DMXL1: variants seen among roughly 807,000 people sequenced by gnomAD.
DMXL1 encodes the protein Dmx like 1, also known as dmX-like protein 1.
In DMXL1, 99 loss-of-function variants were observed where a neutral mutation model predicts 319.2. The ratio of observed to expected loss-of-function variants is 0.31; its 90% CI spans 0.26 to 0.37. The LOEUF (loss-of-function observed/expected upper bound fraction) is 0.37. Among genes scored for constraint, DMXL1 ranks in the 10% least tolerant of loss-of-function variants. The pLI, the probability that DMXL1 is intolerant of heterozygous loss-of-function variation, is 1.00. For synonymous variants in DMXL1, 1,385 were observed against 1,235.2 expected, an observed-to-expected ratio of 1.12 and a Z score of -2.54; for missense variants, 3,745 against 3,595.6, an observed-to-expected ratio of 1.04 and a Z score of -1.06.
At chr5:119,213,313 C>T (rs1360290356) in intron 34 of DMXL1, among the ~76,000 whole-genome samples, 1 of 152,116 alleles carries the variant, frequency 6.6e-6, no homozygotes, top group African/African-American at 2.4e-5. Context: ...ATATTTTCTT[C>T]TGCCTCCTCT....
chr5:119,142,371 TA>T (rs1767573372), intron 13 of DMXL1, among the ~76,000 whole-genome samples: 1 of 151,510 alleles, frequency 6.6e-6, no homozygotes, highest in African/African-American at 2.4e-5. Flanking sequence ...AAAAAGTGAG[TA>T]AAGGACATGA....
At chr5:119,207,811 C>G (rs181242944) in intron 34 of DMXL1, among the ~76,000 whole-genome samples, 2 of 152,244 alleles carry the variant, frequency 1.3e-5, no homozygotes, top group East Asian at 1.9e-4. Flanking sequence ...CGTGAGCCAC[C>G]GCGCCTGGCC....
chr5:119,122,020 C>T (rs1477742233), intron 9 of DMXL1, among the ~76,000 whole-genome samples: 9 of 142,212 alleles, frequency 6.3e-5, no homozygotes, highest in African/African-American at 2.4e-4. Context: ...CCGGACGGGG[C>T]GGCTGGCCGG....
chr5:119,161,123 C>G (rs1315883344), intron 19 of DMXL1, among the ~76,000 whole-genome samples: 1 of 152,156 alleles, frequency 6.6e-6, no homozygotes, highest in Non-Finnish European at 1.5e-5. Flanking sequence ...TAAACCTAGC[C>G]TCTGATTATG....
chr5:119,230,987 T>C (rs1786604853), intron 38 of DMXL1, among the ~76,000 whole-genome samples: 1 of 152,234 alleles, frequency 6.6e-6, no homozygotes, highest in Admixed American at 6.5e-5. Flanking sequence ...CTATTATTTG[T>C]TGAAGACTTT....
intron 9 of DMXL1, among the ~76,000 whole-genome samples, chr5:119,122,330 C>T (rs1762325077): frequency 6.7e-6 from 1 of 149,188 alleles, no homozygotes; most frequent in African/African-American, 2.5e-5. Flanking sequence ...CCCCACCTCC[C>T]TCCCGGAGGG....
Position 119,171,806 on chromosome 5 carries a change from C to T in DMXL1, c.6518C>T (p.Pro2173Leu). 6.2e-7 allele frequency: 1 copy of T among 1,612,606 alleles called. No homozygotes were observed. Among genetic ancestry groups the T allele is most frequent in the Non-Finnish European group, 8.5e-7 (1 of 1,179,374 alleles). Residue 2173 changes from proline to leucine, a missense_variant, in exon 25 of 44, where the codon CCT becomes CTT. Pro to Leu is a moderately conservative substitution (Grantham distance 98). This residue lies in a region of DMXL1 where 1,382 missense variants were observed against 1,269.5 expected (regional missense o/e 1.09). Coordinates refer to ENST00000539542, the MANE Select transcript of DMXL1 (RefSeq NM_001290321.3). ...QETSEPLFSS[P>L]LSEQTSVPLL... is the part of the protein sequence containing the mutation. ...ACATCAGAACCACTATTTTCTAGCCCTCTGTCAGAGCAAACCTCAGTGCCT... is the reference window on the plus strand; with the variant it reads ...ACATCAGAACCACTATTTTCTAGCCTTCTGTCAGAGCAAACCTCAGTGCCT...
upstream of DMXL1, among the ~76,000 whole-genome samples, chr5:119,071,045 T>C (rs1749402558): frequency 6.6e-6 from 1 of 152,156 alleles, no homozygotes; most frequent in African/African-American, 2.4e-5. Context: ...CAGTAGCAGC[T>C]GCCCCGAGCG....
chr5:119,146,861 A>G lies in DMXL1; in HGVS notation c.2594A>G (p.Glu865Gly), dbSNP rs747215906. ...GGCAGCTCACCTAATGGATTTTCTG[A>G]GAAGTTCTACCTAATTGTAATAGAA... ...NAGSSPNGFS[E>G]KFYLIVIECT... The change falls in exon 16 of 44, where the codon GAG becomes GGG. Residue 865 changes from glutamate (E) to glycine (G), a missense_variant. Physicochemically the swap from Glu to Gly is moderately conservative, Grantham distance 98 (BLOSUM62 -2). Transcript: ENST00000539542. 1.2e-6 allele frequency: 2 copies of G among 1,611,216 alleles called. No individual in the cohort carries two copies. The highest frequency in any genetic ancestry group is 1.1e-5 in the South Asian group (1 of 90,774).
chr5:119,125,428 A>G (rs1056850614), intron 9 of DMXL1, among the ~76,000 whole-genome samples: 2 of 152,210 alleles, frequency 1.3e-5, no homozygotes, highest in Admixed American at 6.5e-5. Context: ...GAAAGGTGCT[A>G]TATTCTATTT....
At chr5:119,107,134 T>C (rs927235775) in intron 4 of DMXL1, among the ~76,000 whole-genome samples, 1 of 152,070 alleles carries the variant, frequency 6.6e-6, no homozygotes, top group African/African-American at 2.4e-5. Flanking sequence ...CCCAGGAGTT[T>C]GAGACCAGCC....
chr5:119,246,231 G>C (rs544891056), intron 43 of DMXL1, among the ~76,000 whole-genome samples: 2 of 152,220 alleles, frequency 1.3e-5, no homozygotes, highest in South Asian at 2.1e-4. Context: ...GCTTTGCCTG[G>C]TCAGAGGGCC....
At position 119,171,807 on chromosome 5, in the gene DMXL1, T is replaced by C; in HGVS notation, c.6519T>C (p.Pro2173=). The change falls in exon 25 of 44, where the codon CCT becomes CCC. Residue 2173 remains proline (P), a synonymous_variant. Transcript: ENST00000539542. ...QETSEPLFSS[P]LSEQTSVPLL... ...CATCAGAACCACTATTTTCTAGCCC[T>C]CTGTCAGAGCAAACCTCAGTGCCTC... 2 of 1,612,992 alleles carry C rather than the reference T, an allele frequency of 1.2e-6. No homozygotes were observed. The highest frequency in any genetic ancestry group is 1.7e-6 in the Non-Finnish European group (2 of 1,179,522).
chr5:119,177,551 C>T, intron 27 of DMXL1, 67 bp downstream of exon 27: 1 of 1,367,126 alleles, frequency 7.3e-7, no homozygotes, highest in African/African-American at 1.5e-5. Flanking sequence ...AGTAGAAAGA[C>T]TTTTAGTTTT....
chr5:119,172,736 T>G (rs1319737084), intron 25 of DMXL1, among the ~76,000 whole-genome samples: 1 of 152,184 alleles, frequency 6.6e-6, no homozygotes, highest in East Asian at 1.9e-4. Context: ...CTAGTGGTTT[T>G]TGTTTTTTTT....
intron 19 of DMXL1, among the ~76,000 whole-genome samples, chr5:119,160,296 G>T (rs2150200110): frequency 6.6e-6 from 1 of 152,182 alleles, no homozygotes; most frequent in Non-Finnish European, 1.5e-5. Flanking sequence ...TTGACTCATT[G>T]TTTTTTCAGG....
chr5:119,187,651 A>G (rs553103076), intron 28 of DMXL1, among the ~76,000 whole-genome samples: 11 of 152,156 alleles, frequency 7.2e-5, no homozygotes, highest in Admixed American at 2.0e-4. Context: ...CTGCTTCATT[A>G]AAAGTGTTGT....
chr5:119,247,438 T>C lies in DMXL1; in HGVS notation c.*219T>C. ...AAAGTAGAATGTGTAAGTAATGCTG[T>C]AATAATACATATCATAGTATATTAT... On this transcript the variant is annotated 3_prime_UTR_variant, in exon 44 of 44. Transcript: ENST00000539542. 1 of 421,348 alleles carries C rather than the reference T, an allele frequency of 2.4e-6. No individual in the cohort carries two copies. Among genetic ancestry groups the C allele is most frequent in the Middle Eastern group, 6.7e-4 (1 of 1,488 alleles). The allele number at this position is 421,348 out of a possible 1,614,324, so 26.1% of individuals were successfully genotyped here. A position where few individuals can be genotyped will look rare whatever the true frequency, so the allele number is the denominator to read the frequency against.
At chr5:119,200,219 A>G (rs1179049993) in intron 32 of DMXL1, among the ~76,000 whole-genome samples, 3 of 152,068 alleles carry the variant, frequency 2.0e-5, no homozygotes, top group Non-Finnish European at 2.9e-5. Context: ...TTTACATGTA[A>G]GTCTTTAATC....
Sources: gnomAD v4.1 joint callset for allele counts (sites outside exome capture counted in the v4.1 genomes callset) on GRCh38, gnomAD v4.1.1 for gene constraint, gnomAD v4.1.1 regional missense constraint, MANE v1.5 for transcripts, NCBI Gene and HGNC (gene_info 2026-07-23, HGNC 2026-07-21) for gene names.